The following BUB1B variants were observed in gnomAD, a reference collection of about 807,000 sequenced individuals.
BUB1B encodes BUB1 mitotic checkpoint serine/threonine kinase B, also known as mitotic checkpoint serine/threonine-protein kinase BUB1 beta.
BUB1B carries 86 observed loss-of-function variants against 137.7 expected under a neutral mutation model. The ratio of observed to expected loss-of-function variants is 0.62; its 90% CI spans 0.52 to 0.75. BUB1B has a LOEUF of 0.75. BUB1B is among the 30% of genes least tolerant of loss of function. The pLI, the probability that BUB1B is intolerant of heterozygous loss-of-function variation, is 0.00. For synonymous variants in BUB1B, 420 were observed against 417.9 expected (o/e 1.00, Z -0.06); for missense variants, 1,130 against 1,236.9 (o/e 0.91, Z 1.30).
chr15:40,206,964 C>T (rs2037645576), intron 15 of BUB1B, among the ~76,000 whole-genome samples: 1 of 152,162 alleles, frequency 6.6e-6, no homozygotes, highest in Admixed American at 6.5e-5. Flanking sequence ...TGCGCACCAT[C>T]ATGCCTGGCT....
intron 14 of BUB1B, among the ~76,000 whole-genome samples, chr15:40,204,345 A>G (rs879883160): frequency 6.2e-4 from 94 of 152,186 alleles, no homozygotes; most frequent in Non-Finnish European, 1.1e-3. Flanking sequence ...AAACCACCAG[A>G]GAACATGATG....
At chr15:40,213,791 G>A (rs1341544053) in intron 20 of BUB1B, among the ~76,000 whole-genome samples, 1 of 152,158 alleles carries the variant, frequency 6.6e-6, no homozygotes. Context: ...GCCCACCTCA[G>A]CCTCCCAAAG....
intron 8 of BUB1B, among the ~76,000 whole-genome samples, chr15:40,195,516 T>A (rs1338769052): frequency 1.3e-5 from 2 of 152,198 alleles, no homozygotes; most frequent in Non-Finnish European, 2.9e-5. Flanking sequence ...GATTGCTGGA[T>A]CAAATGGTGG....
Position 40,218,439 on chromosome 15 carries a change from G to A in BUB1B, c.2851-17G>A, listed in dbSNP as rs145541980. On this transcript the variant is annotated splice_polypyrimidine_tract_variant and intron_variant, in intron 21 of 22. Coordinates refer to ENST00000287598, the MANE Select transcript of BUB1B (RefSeq NM_001211.6). Reference sequence around the variant, plus strand: ...GCAGAGAATTATTTTAGCTGATGGTGCTTTTTGTGATTTCAGGTAGACCTG... The same window carrying A: ...GCAGAGAATTATTTTAGCTGATGGTACTTTTTGTGATTTCAGGTAGACCTG... 3,012 of 1,583,446 alleles carry A rather than the reference G, an allele frequency of 1.9e-3. 7 individuals carry two copies. Among genetic ancestry groups the A allele is most frequent in the Non-Finnish European group, 2.3e-3 (2,683 of 1,152,908 alleles).
Position 40,212,690 on chromosome 15 carries a change from G to C in BUB1B, c.2535+42G>C. 2.5e-6 allele frequency: 4 copies of C among 1,582,100 alleles called. No individual in the cohort carries two copies. The Admixed American group carries it at 6.7e-5, about 27-fold the overall frequency. ...ACATAATTTAAAGTCCTGAAGTAGA[G>C]AGATTTGTGCTCCATTTAGCAAAGG... On this transcript the variant is annotated intron_variant, in intron 19 of 22. Coordinates refer to ENST00000287598, the MANE Select transcript of BUB1B (RefSeq NM_001211.6).
At chr15:40,208,602 T>G in intron 15 of BUB1B, 35 bp from the exon 16 acceptor site, 1 of 1,563,248 alleles carries the variant, frequency 6.4e-7, no homozygotes, top group Non-Finnish European at 8.8e-7. Flanking sequence ...TATATATTAT[T>G]CCTATAAGAA....
chr15:40,183,923 C>A, intron 6 of BUB1B, 40 bp downstream of exon 6: 2 of 1,598,698 alleles, frequency 1.3e-6, no homozygotes, highest in Non-Finnish European at 1.7e-6. Context: ...CTGTTAGTTT[C>A]TAGTGGTAAA....
intron 10 of BUB1B, 43 bp from the exon 11 acceptor site, chr15:40,200,201 C>G: frequency 7.2e-7 from 1 of 1,382,248 alleles, no homozygotes; most frequent in African/African-American, 1.4e-5. Context: ...ATAGCATTTT[C>G]TGGATGGGAG....
intron 22 of BUB1B, among the ~76,000 whole-genome samples, chr15:40,219,672 A>G (rs1301282504): frequency 2.0e-5 from 3 of 152,150 alleles, no homozygotes; most frequent in Non-Finnish European, 4.4e-5. Context: ...GTGAGCTGAG[A>G]TCGCGCCACT....
At chr15:40,168,805 CT>C (rs1215360321) in intron 2 of BUB1B, among the ~76,000 whole-genome samples, 2 of 152,128 alleles carry the variant, frequency 1.3e-5, no homozygotes, top group Admixed American at 1.3e-4. Flanking sequence ...GCTCTTCCAC[CT>C]TCGTAATTTT....
intron 14 of BUB1B, among the ~76,000 whole-genome samples, chr15:40,205,483 A>T (rs1410672641): frequency 6.6e-6 from 1 of 152,228 alleles, no homozygotes; most frequent in East Asian, 1.9e-4. Flanking sequence ...AGTGTTTATA[A>T]CCTTTTGACC....
rs1162999010 is a variant in BUB1B at position 40,206,268 on chromosome 15, G to A, written c.1819G>A (p.Asp607Asn). The change falls in exon 15 of 23, where the codon GAC becomes AAC. Residue 607 changes from aspartate to asparagine, a missense_variant. By Grantham distance (23) the Asp-to-Asn change is conservative. Transcript: ENST00000287598. ...TGTAACAATTTGTCCTAACCCAGAA[G>A]ACACTTGTGACTTTGCCAGAGCAGC... ...RNVTICPNPE[D>N]TCDFARAARF... 1.2e-6 allele frequency: 2 copies of A among 1,614,060 alleles called. No individual in the cohort carries two copies. The highest frequency in any genetic ancestry group is 2.7e-5 in the African/African-American group (2 of 74,932).
intron 5 of BUB1B, among the ~76,000 whole-genome samples, chr15:40,182,991 C>A (rs1245977653): frequency 6.6e-6 from 1 of 152,186 alleles, no homozygotes; most frequent in Non-Finnish European, 1.5e-5. Context: ...TTTTTAATTC[C>A]TATCAGTGAG....
At chr15:40,198,363 C>T (rs1363886378) in intron 9 of BUB1B, among the ~76,000 whole-genome samples, 1 of 151,936 alleles carries the variant, frequency 6.6e-6, no homozygotes, top group Non-Finnish European at 1.5e-5. Context: ...TAGGCATGAG[C>T]CACCATGCAG....
At chr15:40,183,490 C>G (rs528136893) in intron 5 of BUB1B, among the ~76,000 whole-genome samples, 1 of 152,252 alleles carries the variant, frequency 6.6e-6, no homozygotes, top group Admixed American at 6.5e-5. Flanking sequence ...TTAAATTGGT[C>G]AAACTTGGGC....
chr15:40,161,467 A>C (rs186213854), intron 1 of BUB1B, among the ~76,000 whole-genome samples: 22 of 152,302 alleles, frequency 1.4e-4, no homozygotes, highest in African/African-American at 5.1e-4. Context: ...ATCCAGCTTC[A>C]AAGCGAAGAA....
chr15:40,217,608 C>T lies in BUB1B; in HGVS notation c.2791C>T (p.Arg931Trp), dbSNP rs766052877. Residue 931 changes from arginine (R) to tryptophan (W), a missense_variant, in exon 21 of 23, where the codon CGG becomes TGG. Arg to Trp is a moderately radical substitution (Grantham distance 101, BLOSUM62 -3). Transcript: ENST00000287598. ...QLDVFTLSGF[R>W]TVQILEGQKI... is the part of the protein sequence containing the mutation. Reference sequence around the variant, plus strand: ...GGATGTTTTTACCCTCAGCGGCTTTCGGACTGTACAGATCCTGGAAGGACA... The same window carrying T: ...GGATGTTTTTACCCTCAGCGGCTTTTGGACTGTACAGATCCTGGAAGGACA... 6.8e-6 allele frequency: 11 copies of T among 1,614,128 alleles called. No individual in the cohort carries two copies. Among genetic ancestry groups the T allele is most frequent in the Admixed American group, 1.7e-5 (1 of 60,018 alleles).
intron 9 of BUB1B, among the ~76,000 whole-genome samples, chr15:40,197,261 T>A (rs1172783380): frequency 6.6e-6 from 1 of 152,192 alleles, no homozygotes; most frequent in Non-Finnish European, 1.5e-5. Context: ...GTGATTTAGA[T>A]TATAGATATT....
chr15:40,167,342 CTTTTTTTTTT>C (rs767161007), intron 2 of BUB1B, among the ~76,000 whole-genome samples: 3 of 77,098 alleles, frequency 3.9e-5, no homozygotes, highest in African/African-American at 1.2e-4. Context: ...TTCATTTTAG[CTTTTTTTTTT>C]TTTTTTTTTT....
Sources: gnomAD v4.1 joint callset for allele counts (sites outside exome capture counted in the v4.1 genomes callset) on GRCh38, gnomAD v4.1.1 for gene constraint, MANE v1.5 for transcripts, NCBI Gene and HGNC (gene_info 2026-07-23, HGNC 2026-07-21) for gene names.